The following RUFY4 variants were observed in gnomAD, a reference collection of about 807,000 sequenced individuals.
The protein encoded by RUFY4 is RUN and FYVE domain containing 4.
RUFY4 carries 73 observed loss-of-function variants against 69.0 expected under a neutral mutation model. The observed-to-expected ratio is 1.06, with a 90% confidence interval of 0.88 to 1.29. The LOEUF (loss-of-function observed/expected upper bound fraction) is 1.29. Ranked by LOEUF, RUFY4 falls within the 50% of genes most tolerant of loss-of-function variation. The pLI, the probability that RUFY4 is intolerant of heterozygous loss-of-function variation, is 0.00. For synonymous variants in RUFY4, 287 were observed against 271.8 expected (o/e 1.06, Z -0.55); for missense variants, 770 against 705.6 (o/e 1.09, Z -1.03).
chr2:218,047,535 T>C (rs974954386), intron 2 of RUFY4, among the ~76,000 whole-genome samples: 1 of 152,184 alleles, frequency 6.6e-6, no homozygotes, highest in Non-Finnish European at 1.5e-5. Flanking sequence ...TAAAAATACA[T>C]CTCACTTTTA....
Position 218,076,344 on chromosome 2 carries a change from G to A in RUFY4, c.1249-83G>A, listed in dbSNP as rs553138591. 108 of 1,495,918 alleles carry A rather than the reference G, an allele frequency of 7.2e-5. No homozygotes were observed. The South Asian group carries it at 9.4e-4, about 13-fold the overall frequency. The allele number at this position is 1,495,918 out of a possible 1,614,324, so 92.7% of individuals were successfully genotyped here. On this transcript the variant is annotated intron_variant, in intron 7 of 10. Transcript: ENST00000344321. Reference sequence around the variant, plus strand: ...GCCAGGGCATGGCCTGGGGTCTCTCGGGAATGTTGTTCAGGTCAGCCCCAG... The same window carrying A: ...GCCAGGGCATGGCCTGGGGTCTCTCAGGAATGTTGTTCAGGTCAGCCCCAG...
chr2:218,086,960 TA>T, intron 9 of RUFY4, among the ~76,000 whole-genome samples: 1 of 151,956 alleles, frequency 6.6e-6, no homozygotes, highest in Non-Finnish European at 1.5e-5. Flanking sequence ...GAAAGGCAAT[TA>T]AAAACTCCCA....
chr2:218,067,123 C>A (rs1361590570), upstream of RUFY4, among the ~76,000 whole-genome samples: 1 of 152,228 alleles, frequency 6.6e-6, no homozygotes, highest in Non-Finnish European at 1.5e-5. Context: ...CATGTACAAG[C>A]CATCTCCGCA....
chr2:218,064,232 C>T (rs1689268413), intron 3 of RUFY4, among the ~76,000 whole-genome samples: 1 of 152,278 alleles, frequency 6.6e-6, no homozygotes, highest in Non-Finnish European at 1.5e-5. Flanking sequence ...AGGCCAGGCG[C>T]CTGGAAGCAG....
intron 3 of RUFY4, among the ~76,000 whole-genome samples, chr2:218,062,054 T>A (rs1348712064): frequency 6.6e-6 from 1 of 152,164 alleles, no homozygotes; most frequent in Non-Finnish European, 1.5e-5. Context: ...CTCTTTTGGG[T>A]AGAAGGAGGC....
At chr2:218,084,262 C>T (rs899674244) in intron 9 of RUFY4, among the ~76,000 whole-genome samples, 3 of 151,436 alleles carry the variant, frequency 2.0e-5, no homozygotes, top group South Asian at 2.1e-4. Context: ...AACGGAGTCT[C>T]GCTCTGTCCC....
At chr2:218,074,670 T>A (rs1475892072) in intron 6 of RUFY4, among the ~76,000 whole-genome samples, 1 of 152,184 alleles carries the variant, frequency 6.6e-6, no homozygotes, top group Non-Finnish European at 1.5e-5. Flanking sequence ...TAGCTGAGTG[T>A]CGGTCTAGTC....
chr2:218,043,078 G>A (rs1014247458), intron 2 of RUFY4, among the ~76,000 whole-genome samples: 1 of 151,610 alleles, frequency 6.6e-6, no homozygotes, highest in African/African-American at 2.4e-5. Flanking sequence ...TGAAGAGAAG[G>A]TTTATTGCAT....
chr2:218,075,826 C>A, intron 7 of RUFY4, 86 bp downstream of exon 9: 1 of 1,278,872 alleles, frequency 7.8e-7, no homozygotes, highest in South Asian at 2.9e-5. Context: ...AGCCTGGGAC[C>A]ATTCCCTCCC....
At chr2:218,084,860 C>T (rs1363816592) in intron 9 of RUFY4, among the ~76,000 whole-genome samples, 1 of 152,086 alleles carries the variant, frequency 6.6e-6, no homozygotes, top group Non-Finnish European at 1.5e-5. Context: ...CCAGCCTGAA[C>T]AACATGGTGA....
chr2:218,060,719 G>C (rs1176711894), intron 3 of RUFY4: 20 of 1,389,812 alleles, frequency 1.4e-5, no homozygotes, highest in Non-Finnish European at 1.9e-5. Flanking sequence ...AGCGTATGCA[G>C]GGTGAATCTG....
intron 9 of RUFY4, among the ~76,000 whole-genome samples, chr2:218,085,032 G>A (rs1020199411): frequency 5.9e-5 from 9 of 152,270 alleles, no homozygotes; most frequent in African/African-American, 2.2e-4. Context: ...TGAGTGACAA[G>A]AGTGAAACTC....
chr2:218,070,402 C>A (rs1255250276), upstream of RUFY4: 15 of 625,156 alleles, frequency 2.4e-5, no homozygotes, highest in Middle Eastern at 4.2e-4. Flanking sequence ...GAGGCCACAC[C>A]ATCATCTTCA....
At chr2:218,061,054 A>C (rs1689176160) in intron 3 of RUFY4, 10 of 658,722 alleles carry the variant, frequency 1.5e-5, no homozygotes, top group South Asian at 1.4e-4. Context: ...TTCAGGAGCT[A>C]GACCACCTGG....
Position 218,072,688 on chromosome 2 carries a change from T to A in RUFY4, c.280-91T>A, listed in dbSNP as rs1054247569. 4.6e-6 allele frequency: 6 copies of A among 1,303,424 alleles called. No individual in the cohort carries two copies. The African/African-American group carries it at 5.9e-5, about 13-fold the overall frequency. 80.7% of individuals were successfully genotyped at this position (1,303,424 alleles called of 1,614,324 possible). A position where few individuals can be genotyped will look rare whatever the true frequency, so the allele number is the denominator to read the frequency against. On this transcript the variant is annotated intron_variant, in intron 3 of 10. Coordinates refer to ENST00000344321, the Ensembl canonical transcript of RUFY4. ...CTCAGGTCCCCCTGCACCCTTCCCA[T>A]TGCCAAGCACTTCCAGTCCCCTCTC...
chr2:218,064,477 T>A (rs1689275535), upstream of RUFY4, among the ~76,000 whole-genome samples: 1 of 152,042 alleles, frequency 6.6e-6, no homozygotes, highest in Admixed American at 6.6e-5. Flanking sequence ...TCAATCCACA[T>A]CCTCCCTCGC....
intron 2 of RUFY4, among the ~76,000 whole-genome samples, chr2:218,055,093 A>T (rs944098345): frequency 1.3e-5 from 2 of 152,210 alleles, no homozygotes; most frequent in African/African-American, 4.8e-5. Context: ...AATTAAAAAA[A>T]TAATAAGAAG....
chr2:218,058,288 T>C (rs1438600823), intron 2 of RUFY4, among the ~76,000 whole-genome samples: 2 of 152,198 alleles, frequency 1.3e-5, no homozygotes, highest in African/African-American at 4.8e-5. Flanking sequence ...TTTAAAACAT[T>C]TTCATTGTGA....
intron 2 of RUFY4, 25 bp from the exon 5 acceptor site, chr2:218,072,349 T>A: frequency 6.5e-7 from 1 of 1,536,726 alleles, no homozygotes; most frequent in Non-Finnish European, 8.7e-7. Context: ...ATTTCTACAC[T>A]TTCTTTGCCT....
Sources: allele counts gnomAD v4.1 joint callset (sites outside exome capture counted in the v4.1 genomes callset), GRCh38; gene constraint gnomAD v4.1.1; transcripts MANE v1.5; gene names NCBI Gene and HGNC (gene_info 2026-07-23, HGNC 2026-07-21).